Variants in CCDC157 observed in about 807,000 individuals in gnomAD.
CCDC157 encodes coiled-coil domain-containing protein 157.
In CCDC157, 60 loss-of-function variants were observed where a neutral mutation model predicts 70.9. The observed-to-expected ratio is 0.85, with a 90% confidence interval of 0.69 to 1.05. CCDC157 has a LOEUF of 1.05. CCDC157 is among the 50% of genes least tolerant of loss of function. CCDC157 has a pLI of 0.00. For missense variants in CCDC157, 943 were observed against 984.2 expected (o/e 0.96, Z 0.56); for synonymous variants, 373 against 422.4 (o/e 0.88, Z 1.43).
chr22:30,370,805 T>A lies in CCDC157; in HGVS notation c.900T>A (p.Ala300=). 1 of 1,613,218 alleles carries A rather than the reference T, an allele frequency of 6.2e-7. No homozygotes were observed. The highest frequency in any genetic ancestry group is 2.2e-5 in the East Asian group (1 of 44,876). ...VEALRAQLEE[A]EGQKDGLRKQ... Reference sequence around the variant, plus strand: ...CCCTCAGGGCCCAGCTGGAGGAGGCTGAAGGGCAGAAGGATGGCCTGAGGA... The same window carrying A: ...CCCTCAGGGCCCAGCTGGAGGAGGCAGAAGGGCAGAAGGATGGCCTGAGGA... Residue 300 remains alanine (A), a synonymous_variant, in exon 5 of 12, where the codon GCT becomes GCA. Transcript: ENST00000338306.
chr22:30,375,679 C>A lies in CCDC157; in HGVS notation c.1857+16C>A. ...TGGCCTCAAGGTGGGCCTGAGAGGG[C>A]GGGCCCTTGGGGACCAGGAGGAAGC... On this transcript the variant is annotated intron_variant, in intron 10 of 11. Coordinates refer to ENST00000338306, the MANE Select transcript of CCDC157 (RefSeq NM_001017437.5). 1 of 1,600,476 alleles carries A rather than the reference C, an allele frequency of 6.2e-7. No homozygotes were observed. The highest frequency in any genetic ancestry group is 1.8e-5 in the Admixed American group (1 of 57,046).
At chr22:30,364,467 C>G (rs1053924855) in intron 2 of CCDC157, among the ~76,000 whole-genome samples, 2 of 152,138 alleles carry the variant, frequency 1.3e-5, no homozygotes, top group African/African-American at 4.8e-5. Flanking sequence ...TACCCTGAAA[C>G]TATGGACATC....
intron 2 of CCDC157, among the ~76,000 whole-genome samples, chr22:30,364,444 TCCTGAAACTATGTAC>T (rs1439710310): frequency 6.6e-6 from 1 of 152,166 alleles, no homozygotes; most frequent in Non-Finnish European, 1.5e-5. Context: ...TATTAAATAA[TCCTGAAACTATGTAC>T]CCTGAAACTA....
At chr22:30,361,475 G>A (rs990599615) in intron 1 of CCDC157, among the ~76,000 whole-genome samples, 63 of 152,064 alleles carry the variant, frequency 4.1e-4, no homozygotes, top group African/African-American at 1.4e-3. Context: ...GAAGGATGAG[G>A]GGAAGATGAG....
intron 6 of CCDC157, 150 bp downstream of exon 6, chr22:30,371,877 C>T (rs981520656): frequency 1.3e-5 from 10 of 784,668 alleles, no homozygotes; most frequent in African/African-American, 8.7e-5. Context: ...ACACTATTGG[C>T]GATGACCAAA....
chr22:30,358,885 AC>A (rs1443158700), intron 1 of CCDC157, among the ~76,000 whole-genome samples: 2 of 152,226 alleles, frequency 1.3e-5, no homozygotes, highest in African/African-American at 4.8e-5. Context: ...GTGCTTCTTC[AC>A]TTGACACACA....
intron 2 of CCDC157, among the ~76,000 whole-genome samples, chr22:30,365,443 G>C (rs974711424): frequency 6.6e-6 from 1 of 152,078 alleles, no homozygotes; most frequent in Non-Finnish European, 1.5e-5. Flanking sequence ...AGGGAGTACC[G>C]AGGCACTGTG....
At chr22:30,374,691 C>T (rs898463812) in intron 9 of CCDC157, 2 of 456,642 alleles carry the variant, frequency 4.4e-6, no homozygotes, top group Non-Finnish European at 8.8e-6. Flanking sequence ...CCTTCTCAAC[C>T]ACCTTGTGAG....
Position 30,371,740 on chromosome 22 carries a change from A to G in CCDC157, c.1123+13A>G, listed in dbSNP as rs1076298. 0.22 allele frequency: 355,238 copies of G among 1,605,060 alleles called. 41,576 individuals are homozygous for G. Among genetic ancestry groups the G allele is most frequent in the Middle Eastern group, 0.27 (1,631 of 6,032 alleles). ...ACACAGGCTGTGGGTAAGGAGCCCC[A>G]TCATAGGCCCCCATGCCACATCTCA... On this transcript the variant is annotated intron_variant, in intron 6 of 11. Coordinates refer to ENST00000338306, the MANE Select transcript of CCDC157 (RefSeq NM_001017437.5).
At chr22:30,356,669 G>A (rs1282363224), upstream of CCDC157, 17 of 1,288,092 alleles carry the variant, frequency 1.3e-5, no homozygotes, top group Non-Finnish European at 1.7e-5. Flanking sequence ...TTATTCCTGT[G>A]CGAGTAAGGA....
intron 9 of CCDC157, 45 bp from the exon 10 acceptor site, chr22:30,375,434 A>G (rs376196162): frequency 4.6e-5 from 74 of 1,601,884 alleles, no homozygotes; most frequent in Non-Finnish European, 6.2e-5. Context: ...CCACCTGCCC[A>G]AGCTGGTGTG....
rs1381005919 is a variant in CCDC157, at chr22:30,372,127, G to T, written c.1176G>T (p.Glu392Asp). 1.3e-6 allele frequency: 2 copies of T among 1,554,668 alleles called. No homozygotes were observed. The highest frequency in any genetic ancestry group is 1.2e-5 in the South Asian group (1 of 84,560). ...AAGGTGAGCGCAGGGCGGCAGCGGA[G>T]AGGCAGGTGCAGCAGCTGGAGGAGC... is the stretch of plus-strand genomic sequence containing the variant. ...QEEGERRAAA[E>D]RQVQQLEEQV... Residue 392 changes from glutamate to aspartate, a missense_variant, in exon 7 of 12, where the codon GAG becomes GAT. By Grantham distance (45) the Glu-to-Asp change is conservative. Transcript: ENST00000338306.
intron 7 of CCDC157, 197 bp downstream of exon 7, chr22:30,372,483 T>C: frequency 2.8e-6 from 2 of 711,144 alleles, no homozygotes; most frequent in South Asian, 4.9e-5. Flanking sequence ...CAGGGACTGA[T>C]ACTGCCCAGT....
At chr22:30,370,247 G>A in intron 4 of CCDC157, 79 bp from the exon 5 acceptor site, 1 of 1,506,908 alleles carries the variant, frequency 6.6e-7, no homozygotes, top group Non-Finnish European at 9.1e-7. Context: ...CACTGTCACA[G>A]AACATCCCCC....
chr22:30,356,718 G>A (rs1304426953), upstream of CCDC157: 1 of 1,486,916 alleles, frequency 6.7e-7, no homozygotes, highest in Admixed American at 2.2e-5. Context: ...CTGAGGGGCG[G>A]GGGAGAGGTA....
intron 3 of CCDC157, 23 bp downstream of exon 3, chr22:30,366,271 G>C: frequency 6.2e-7 from 1 of 1,611,872 alleles, no homozygotes; most frequent in South Asian, 1.1e-5. Context: ...ACCAAGCCTG[G>C]TCATCTCAGG....
chr22:30,365,468 G>T (rs1045796772), intron 2 of CCDC157, among the ~76,000 whole-genome samples: 1 of 152,104 alleles, frequency 6.6e-6, no homozygotes, highest in Non-Finnish European at 1.5e-5. Flanking sequence ...GCATGACATG[G>T]TCCAATAGAG....
intron 2 of CCDC157, among the ~76,000 whole-genome samples, chr22:30,363,849 G>A (rs976847975): frequency 1.3e-5 from 2 of 152,136 alleles, no homozygotes; most frequent in South Asian, 4.2e-4. Context: ...CATCATGTCC[G>A]GCTAATTTTT....
Position 30,363,788 on chromosome 22 carries a change from A to G in CCDC157, c.-12+1674A>G, listed in dbSNP as rs144966568. On this transcript the variant is annotated intron_variant, in intron 2 of 11. Transcript: ENST00000338306. The stretch of plus-strand genomic sequence containing the variant: ...ACTGCAACCTCCACCTCCGGGATCA[A>G]GCAGTTCTCCTGTCTCAGCCTCCCA... Among the ~76,000 whole-genome samples, 739 of 150,802 alleles carry G rather than the reference A, an allele frequency of 4.9e-3. 7 individuals carry two copies. The highest frequency in any genetic ancestry group is 0.017 in the African/African-American group (697 of 40,962).
Sources: gnomAD v4.1 joint callset for allele counts (sites outside exome capture counted in the v4.1 genomes callset) on GRCh38, gnomAD v4.1.1 for gene constraint, MANE v1.5 for transcripts, NCBI Gene and HGNC (gene_info 2026-07-23, HGNC 2026-07-21) for gene names.